The following ADAMTS19 variants were observed in gnomAD, a reference collection of about 807,000 sequenced individuals.
ADAMTS19 encodes the protein A disintegrin and metalloproteinase with thrombospondin motifs 19.
A neutral mutation model predicts 153.3 loss-of-function variants in ADAMTS19; 93 were observed. The observed-to-expected ratio is 0.61, with a 90% CI of 0.51 to 0.72. The LOEUF (loss-of-function observed/expected upper bound fraction) is 0.72. Among genes scored for constraint, ADAMTS19 ranks in the 30% least tolerant of loss-of-function variants. ADAMTS19 has a pLI of 0.00. For synonymous variants in ADAMTS19, 600 were observed against 556.6 expected (o/e 1.08, Z -1.10); for missense variants, 1,482 against 1,552.1 (o/e 0.95, Z 0.76).
intron 17 of ADAMTS19, among the ~76,000 whole-genome samples, chr5:129,681,603 A>G (rs1383322987): frequency 6.6e-6 from 1 of 152,170 alleles, no homozygotes; most frequent in Non-Finnish European, 1.5e-5. Flanking sequence ...GTGTTGTCCA[A>G]TAAGTTATTT....
chr5:129,532,392 A>G (rs1367126271), intron 6 of ADAMTS19, among the ~76,000 whole-genome samples: 1 of 152,200 alleles, frequency 6.6e-6, no homozygotes, highest in Non-Finnish European at 1.5e-5. Context: ...AGTACTCAGG[A>G]AAATGCAAAT....
chr5:129,637,527 C>T (rs1752584125), intron 10 of ADAMTS19, among the ~76,000 whole-genome samples: 1 of 152,054 alleles, frequency 6.6e-6, no homozygotes, highest in Non-Finnish European at 1.5e-5. Flanking sequence ...GGCTATTATC[C>T]TCAGCAAACT....
chr5:129,544,143 T>C (rs892072459), intron 6 of ADAMTS19, among the ~76,000 whole-genome samples: 4 of 152,182 alleles, frequency 2.6e-5, no homozygotes, highest in Non-Finnish European at 5.9e-5. Context: ...ATCCCTATCT[T>C]ATACTCATGG....
intron 2 of ADAMTS19, among the ~76,000 whole-genome samples, chr5:129,501,289 A>G (rs1433846169): frequency 6.6e-6 from 1 of 152,152 alleles, no homozygotes; most frequent in Non-Finnish European, 1.5e-5. Flanking sequence ...TCCACCACTG[A>G]AGGAAGCCTG....
intron 21 of ADAMTS19, among the ~76,000 whole-genome samples, chr5:129,724,596 CA>C (rs1197812463): frequency 3.3e-5 from 5 of 152,058 alleles, no homozygotes; most frequent in Admixed American, 6.6e-5. Context: ...ATGCCAGGGG[CA>C]GACACACAAT....
At chr5:129,671,010 T>TAA (rs905914189) in intron 16 of ADAMTS19, among the ~76,000 whole-genome samples, 1 of 152,184 alleles carries the variant, frequency 6.6e-6, no homozygotes, top group Non-Finnish European at 1.5e-5. Context: ...TCTATGCCCC[T>TAA]AAACAGACTG....
intron 3 of ADAMTS19, among the ~76,000 whole-genome samples, chr5:129,517,102 G>T (rs1449870942): frequency 6.6e-6 from 1 of 151,356 alleles, no homozygotes; most frequent in Admixed American, 6.6e-5. Flanking sequence ...ATTCCCTCTT[G>T]TTATCAATTT....
At chr5:129,690,748 T>C (rs774398165) in intron 18 of ADAMTS19, among the ~76,000 whole-genome samples, 6 of 152,214 alleles carry the variant, frequency 3.9e-5, no homozygotes, top group Middle Eastern at 3.4e-3. Flanking sequence ...TTAAAGTATA[T>C]TTACTTTTGG....
intron 3 of ADAMTS19, among the ~76,000 whole-genome samples, chr5:129,514,133 T>TTTTTTTTTTTTTTTTTTGAGAC: frequency 9.7e-6 from 1 of 103,056 alleles, no homozygotes; most frequent in Non-Finnish European, 1.9e-5. Context: ...ATTCTTTTTG[T>TTTTTTTTTTTTTTTTTTGAGAC]GGCTGAATAA....
In ADAMTS19 at chr5:129,701,484, A is replaced by C. The variant is rs762047181; in HGVS notation, c.3051A>C (p.Thr1017=). The C allele has an allele frequency of 6.2e-7, 1 of 1,614,218 alleles. No individual in the cohort carries two copies. Among genetic ancestry groups the C allele is most frequent in the South Asian group, 1.1e-5 (1 of 91,080 alleles). The part of the protein sequence containing the change: ...VACTQQLSNG[T]LIRARERDCI... ...GTACCCAACAACTGAGCAATGGAACACTGATTAGAGCCCGAGAGAGGGACT... is the reference window on the plus strand; with the variant it reads ...GTACCCAACAACTGAGCAATGGAACCCTGATTAGAGCCCGAGAGAGGGACT... Residue 1017 remains threonine (T), a synonymous_variant, in exon 20 of 23, where the codon ACA becomes ACC. Transcript: ENST00000274487.
chr5:129,546,016 GA>G (rs1752841357), intron 6 of ADAMTS19, among the ~76,000 whole-genome samples: 3 of 149,006 alleles, frequency 2.0e-5, no homozygotes, highest in Non-Finnish European at 4.4e-5. Context: ...ACTGGATTAA[GA>G]GAATGTGGCA....
chr5:129,662,690 C>A (rs766334497), intron 15 of ADAMTS19, among the ~76,000 whole-genome samples: 7 of 152,162 alleles, frequency 4.6e-5, no homozygotes, highest in Non-Finnish European at 8.8e-5. Flanking sequence ...TTGCTGAACT[C>A]ATTTGCTCGG....
At chr5:129,536,038 C>T (rs867322449) in intron 6 of ADAMTS19, among the ~76,000 whole-genome samples, 76 of 152,090 alleles carry the variant, frequency 5.0e-4, no homozygotes, top group African/African-American at 1.7e-3. Context: ...AAAGCAATGG[C>T]AACAAAAGCC....
At chr5:129,689,093 A>T (rs1424158232) in intron 18 of ADAMTS19, among the ~76,000 whole-genome samples, 1 of 152,206 alleles carries the variant, frequency 6.6e-6, no homozygotes, top group African/African-American at 2.4e-5. Context: ...ATAAAATAGA[A>T]TGAGGACCCC....
chr5:129,461,720 G>A lies in ADAMTS19; in HGVS notation c.710G>A (p.Gly237Asp). ...ACCGGAGCTGTGCTGCGGCACCCTG[G>A]CTCGCTGGCTTCTTTCAGCACCTGT... ...FYTGAVLRHP[G>D]SLASFSTCGG... Residue 237 changes from glycine to aspartate, a missense_variant, in exon 2 of 23, where the codon GGC becomes GAC. By Grantham distance (94) the Gly-to-Asp change is moderately conservative (BLOSUM62 -1). Coordinates refer to ENST00000274487, the MANE Select transcript of ADAMTS19 (RefSeq NM_133638.6). This position sits in a 1 kb window ranked among gnomAD's most constrained non-coding sequence, Gnocchi z 4.6. 6.6e-7 allele frequency: 1 copy of A among 1,510,476 alleles called. No homozygotes were observed. Among genetic ancestry groups the A allele is most frequent in the Non-Finnish European group, 8.8e-7 (1 of 1,134,316 alleles). 93.6% of individuals were successfully genotyped at this position (1,510,476 alleles called of 1,614,324 possible). A position where few individuals can be genotyped will look rare whatever the true frequency, so the allele number is the denominator to read the frequency against.
chr5:129,618,892 A>G (rs979395347), intron 8 of ADAMTS19, among the ~76,000 whole-genome samples: 1 of 152,068 alleles, frequency 6.6e-6, no homozygotes, highest in Non-Finnish European at 1.5e-5. Flanking sequence ...ACAAGAGACT[A>G]TATAATTTTT....
intron 7 of ADAMTS19, among the ~76,000 whole-genome samples, chr5:129,553,354 C>A (rs540357474): frequency 7.9e-5 from 12 of 152,222 alleles, no homozygotes; most frequent in Non-Finnish European, 1.5e-4. Context: ...AACTTCACAT[C>A]TTGCTAAATC....
chr5:129,461,656 C>G lies in ADAMTS19; in HGVS notation c.646C>G (p.Pro216Ala). The G allele has an allele frequency of 6.3e-7, 1 of 1,587,714 alleles. No homozygotes were observed. Among genetic ancestry groups the G allele is most frequent in the Non-Finnish European group, 8.5e-7 (1 of 1,173,000 alleles). The change falls in exon 2 of 23, where the codon CCG becomes GCG. Residue 216 changes from proline to alanine, a missense_variant. By Grantham distance (27) the Pro-to-Ala change is conservative. Coordinates refer to ENST00000274487, the MANE Select transcript of ADAMTS19 (RefSeq NM_133638.6). This position sits in a 1 kb window ranked among gnomAD's most constrained non-coding sequence, Gnocchi z 4.6. ...GPGPTGAASA[P>A]QPPAPPDAGC... ...CGGCCCCACGGGGGCAGCATCCGCC[C>G]CGCAACCTCCCGCGCCACCAGACGC...
chr5:129,527,889 CT>C, intron 5 of ADAMTS19, 58 bp downstream of exon 5: 1 of 1,098,916 alleles, frequency 9.1e-7, no homozygotes, highest in Non-Finnish European at 1.4e-6. Flanking sequence ...TGTTCAGAAA[CT>C]TTTAAGTAAA....
Sources: allele counts gnomAD v4.1 joint callset (sites outside exome capture counted in the v4.1 genomes callset), GRCh38; gene constraint gnomAD v4.1.1; non-coding constraint Gnocchi (gnomAD v3.1); transcripts MANE v1.5; gene names NCBI Gene and HGNC (gene_info 2026-07-23, HGNC 2026-07-21).